The following CBR4 variants were observed in gnomAD, a reference collection of about 807,000 sequenced individuals.
CBR4 encodes carbonyl reductase 4.
In CBR4, 22 loss-of-function variants were observed where a neutral mutation model predicts 21.0. The ratio of observed to expected loss-of-function variants is 1.05; its 90% CI spans 0.75 to 1.50. The LOEUF is 1.50. Ranked by LOEUF, CBR4 falls within the 40% of genes most tolerant of loss-of-function variation. The pLI is 0.00. For missense variants in CBR4, 302 were observed against 286.3 expected, an observed-to-expected ratio of 1.05 and a Z score of -0.40; for synonymous variants, 100 against 104.4, an observed-to-expected ratio of 0.96 and a Z score of 0.26.
intron 2 of CBR4, among the ~76,000 whole-genome samples, chr4:168,906,439 G>A (rs1757812693): frequency 6.6e-6 from 1 of 152,120 alleles, no homozygotes; most frequent in African/African-American, 2.4e-5. Context: ...TAAGACAGCA[G>A]GCCAGCCTTG....
chr4:169,007,701 T>C lies in CBR4; in HGVS notation c.198A>G (p.Thr66=), dbSNP rs147931542. 96 of 1,592,346 alleles carry C rather than the reference T, an allele frequency of 6.0e-5. 1 individual carries two copies. The African/African-American group carries it at 1.2e-3, about 19-fold the overall frequency. ...CTAAATGTTTCTCCAGCTCTTCAAA[T>C]GTATTTTGAACATCATGTTCTTTAG... ...DVAKEHDVQN[T]FEELEKHLGR... The change falls in exon 2 of 5, where the codon ACA becomes ACG. Residue 66 remains threonine, a synonymous_variant. Transcript: ENST00000306193.
chr4:168,925,375 G>C lies in CBR4; in HGVS notation n.170-30610C>G, dbSNP rs960738169. The C allele has an allele frequency of 7.5e-5, 68 of 900,748 alleles. No individual in the cohort carries two copies. The Admixed American group carries it at 1.2e-3, about 16-fold the overall frequency. 55.8% of individuals were successfully genotyped at this position (900,748 alleles called of 1,614,324 possible). ...TGGCTTCCTTACTCAAGCATCCTTA[G>C]GAGTTAACAGTAGGCAAAGGCATAA... On this transcript the variant is annotated intron_variant and non_coding_transcript_variant, in intron 2 of 3. Transcript: ENST00000509108.
At chr4:168,978,734 T>C (rs1764449554) in intron 2 of CBR4, among the ~76,000 whole-genome samples, 1 of 152,126 alleles carries the variant, frequency 6.6e-6, no homozygotes, top group Non-Finnish European at 1.5e-5. Flanking sequence ...AGCTGTAGCT[T>C]TGCCAACAAA....
chr4:168,993,072 G>T (rs576257690), intron 4 of CBR4, among the ~76,000 whole-genome samples: 2 of 152,308 alleles, frequency 1.3e-5, no homozygotes, highest in South Asian at 4.2e-4. Context: ...AGCCTCTGCA[G>T]AATTTCCAAC....
chr4:168,955,722 A>ATTC (rs1763665237), intron 2 of CBR4, among the ~76,000 whole-genome samples: 2 of 152,298 alleles, frequency 1.3e-5, no homozygotes, highest in Non-Finnish European at 2.9e-5. Flanking sequence ...GGCTGGGAAA[A>ATTC]CCAGCCTTAG....
chr4:168,975,689 G>A (rs930373761), intron 2 of CBR4, among the ~76,000 whole-genome samples: 26 of 152,156 alleles, frequency 1.7e-4, no homozygotes, highest in Admixed American at 1.5e-3. Flanking sequence ...ACCAAGATGG[G>A]GAGAGAAAAA....
chr4:168,997,412 T>C (rs551214134), intron 4 of CBR4, among the ~76,000 whole-genome samples: 1 of 152,284 alleles, frequency 6.6e-6, no homozygotes, highest in African/African-American at 2.4e-5. Context: ...GCATGGCTCC[T>C]GCCCAATGAG....
At chr4:168,997,915 C>T (rs1284124895) in intron 4 of CBR4, among the ~76,000 whole-genome samples, 2 of 152,084 alleles carry the variant, frequency 1.3e-5, no homozygotes, top group African/African-American at 4.8e-5. Flanking sequence ...AAGGCTCTTA[C>T]CAAAAAGCTA....
At chr4:168,910,612 C>A (rs992834812) in intron 2 of CBR4, among the ~76,000 whole-genome samples, 5 of 152,172 alleles carry the variant, frequency 3.3e-5, no homozygotes, top group African/African-American at 1.2e-4. Flanking sequence ...AAACACAATG[C>A]TGCCCGGTGC....
chr4:168,942,839 C>T (rs898413293), intron 2 of CBR4, among the ~76,000 whole-genome samples: 9 of 152,002 alleles, frequency 5.9e-5, no homozygotes, highest in African/African-American at 2.2e-4. Flanking sequence ...CAAAAGAAGA[C>T]ATAGAAATGA....
chr4:168,988,357 C>T lies in CBR4; in HGVS notation c.*1793G>A, dbSNP rs992226509. 1.0e-6 allele frequency: 1 copy of T among 985,218 alleles called. No individual in the cohort carries two copies. The highest frequency in any genetic ancestry group is 6.2e-5 in the Admixed American group (1 of 16,248). The allele number at this position is 985,218 out of a possible 1,614,324, so 61.0% of individuals were successfully genotyped here. A position where few individuals can be genotyped will look rare whatever the true frequency, so the allele number is the denominator to read the frequency against. ...ACTTAAAGGCTAAACCTATCTATAA[C>T]CTACATCTTAATGTCAGCAAAACAT... On this transcript the variant is annotated 3_prime_UTR_variant, in exon 5 of 5. Transcript: ENST00000306193.
chr4:168,995,550 TG>T (rs1393422750), intron 4 of CBR4, among the ~76,000 whole-genome samples: 1 of 152,048 alleles, frequency 6.6e-6, no homozygotes, highest in Non-Finnish European at 1.5e-5. Context: ...TCTTTCTGCT[TG>T]TATTACTTTC....
At chr4:168,961,817 G>C (rs1304278860) in intron 2 of CBR4, among the ~76,000 whole-genome samples, 3 of 152,158 alleles carry the variant, frequency 2.0e-5, no homozygotes, top group Non-Finnish European at 4.4e-5. Flanking sequence ...TTGAACCCGG[G>C]AGGCGGAGGT....
At position 169,007,712 on chromosome 4, in the gene CBR4, C is replaced by A; in HGVS notation, c.187G>T (p.Val63Phe). The A allele has an allele frequency of 6.3e-7, 1 of 1,590,082 alleles. No homozygotes were observed. The highest frequency in any genetic ancestry group is 8.6e-7 in the Non-Finnish European group (1 of 1,168,724). Residue 63 changes from valine to phenylalanine, a missense_variant, in exon 2 of 5, where the codon GTT (valine) becomes TTT (phenylalanine). Physicochemically the swap from Val to Phe is conservative, Grantham distance 50 (BLOSUM62 -1). Coordinates refer to ENST00000306193, the MANE Select transcript of CBR4 (RefSeq NM_032783.5). ...FSCDVAKEHDVQNTFEELEKH... is the reference protein window; with the variant it reads ...FSCDVAKEHDFQNTFEELEKH... The stretch of plus-strand genomic sequence containing the variant: ...TCCAGCTCTTCAAATGTATTTTGAA[C>A]ATCATGTTCTTTAGCAACATCACAG...
intron 2 of CBR4, among the ~76,000 whole-genome samples, chr4:168,950,959 T>C (rs995971702): frequency 2.0e-5 from 3 of 152,252 alleles, no homozygotes; most frequent in African/African-American, 7.2e-5. Context: ...TCCCCCGCTT[T>C]ACTTTAAGTT....
rs964134395 is a variant in CBR4 at position 168,903,898 on chromosome 4, A to C, written n.170-9133T>G. 1 of 1,614,038 alleles carries C rather than the reference A, an allele frequency of 6.2e-7. No individual in the cohort carries two copies. Among genetic ancestry groups the C allele is most frequent in the Admixed American group, 1.7e-5 (1 of 60,026 alleles). ...TGGGAATTATACAATTATGGCTGCA[A>C]ACCCTCAGGTAAAGAAGGGTATAGG... On this transcript the variant is annotated intron_variant and non_coding_transcript_variant, in intron 2 of 3. Coordinates refer to the CBR4 transcript ENST00000509108.
chr4:168,988,865 AT>A lies in CBR4; in HGVS notation c.*1284del. 1.0e-6 allele frequency: 1 copy of A among 965,740 alleles called. No individual in the cohort carries two copies. Among genetic ancestry groups the A allele is most frequent in the South Asian group, 4.8e-5 (1 of 20,866 alleles). The allele number at this position is 965,740 out of a possible 1,614,324, so 59.8% of individuals were successfully genotyped here. The stretch of plus-strand genomic sequence containing the variant: ...TATTTATTAGTATATCCTATTCATA[AT>A]TTTGCACTGACTTTCAATATAAAAT... On this transcript the variant is annotated 3_prime_UTR_variant, in exon 5 of 5. Transcript: ENST00000306193.
At chr4:168,964,177 C>T (rs557035993) in intron 2 of CBR4, among the ~76,000 whole-genome samples, 4 of 152,290 alleles carry the variant, frequency 2.6e-5, no homozygotes, top group African/African-American at 4.8e-5. Context: ...CTGACAATAT[C>T]ATTCAACTAC....
intron 2 of CBR4, chr4:168,926,924 C>T (rs1344187801): frequency 4.6e-6 from 1 of 219,634 alleles, no homozygotes; most frequent in African/African-American, 2.2e-5. Flanking sequence ...TATATTAAAT[C>T]ATAAGGAAGG....
Sources: allele counts gnomAD v4.1 joint callset (sites outside exome capture counted in the v4.1 genomes callset), GRCh38; gene constraint gnomAD v4.1.1; transcripts MANE v1.5; gene names NCBI Gene and HGNC (gene_info 2026-07-23, HGNC 2026-07-21).